OR10Z1: variants seen among roughly 807,000 people sequenced by gnomAD.
OR10Z1 encodes olfactory receptor family 10 subfamily Z member 1, also known as olfactory receptor 10Z1.
For synonymous variants in OR10Z1, 187 were observed against 151.2 expected (o/e 1.24, Z -1.74); for missense variants, 468 against 371.0 (o/e 1.26, Z -2.15).
Position 158,606,445 on chromosome 1 carries a change from C to G in OR10Z1, c.7C>G (p.Gln3Glu). Residue 3 changes from glutamine to glutamate, a missense_variant, in exon 2 of 2, where the codon CAG becomes GAG. Gln to Glu is a conservative substitution (Grantham distance 29). Coordinates refer to ENST00000641002, the MANE Select transcript of OR10Z1 (RefSeq NM_001004478.2). Reference protein sequence around the residue: MGQTNVTSWRDFV... With the variant: MGETNVTSWRDFV... ...CAGGGATATACCTCTCAGAATGGGG[C>G]AGACCAACGTAACCTCCTGGAGGGA... The G allele has an allele frequency of 6.2e-7, 1 of 1,610,056 alleles. No individual in the cohort carries two copies. Among genetic ancestry groups the G allele is most frequent in the South Asian group, 1.1e-5 (1 of 90,692 alleles).
Position 158,606,907 on chromosome 1 carries a change from C to A in OR10Z1, c.469C>A (p.Leu157Met), listed in dbSNP as rs763106741. 2 of 1,614,034 alleles carry A rather than the reference C, an allele frequency of 1.2e-6. No homozygotes were observed. Among genetic ancestry groups the A allele is most frequent in the Admixed American group, 1.7e-5 (1 of 59,988 alleles). Residue 157 changes from leucine to methionine, a missense_variant, in exon 2 of 2, where the codon CTG becomes ATG. Leu to Met is a conservative substitution (Grantham distance 15). Coordinates refer to ENST00000641002, the MANE Select transcript of OR10Z1 (RefSeq NM_001004478.2). ...TSFLTGYLFG[L>M]GMTLVIFHLS... ...CTTCCTGACTGGATACCTCTTTGGACTGGGAATGACACTAGTTATTTTCCA... is the reference window on the plus strand; with the variant it reads ...CTTCCTGACTGGATACCTCTTTGGAATGGGAATGACACTAGTTATTTTCCA...
In OR10Z1 at chr1:158,607,029, G is replaced by A. The variant is rs780052495; in HGVS notation, c.591G>A (p.Leu197=). The change falls in exon 2 of 2, where the codon CTG becomes CTA. Residue 197 remains leucine (L), a synonymous_variant. Coordinates refer to ENST00000641002, the MANE Select transcript of OR10Z1 (RefSeq NM_001004478.2). ...GTGGAGATACAGGCCCGAGTGAGCTGAGGATCTTTATCCTCAGTCTTTTGG... is the reference window on the plus strand; with the variant it reads ...GTGGAGATACAGGCCCGAGTGAGCTAAGGATCTTTATCCTCAGTCTTTTGG... ...LACGDTGPSE[L]RIFILSLLVL... 14 of 1,613,968 alleles carry A rather than the reference G, an allele frequency of 8.7e-6. No homozygotes were observed. In the South Asian group the frequency reaches 1.4e-4, roughly 16 times the overall value.
Position 158,606,943 on chromosome 1 carries a change from T to C in OR10Z1, c.505T>C (p.Cys169Arg), listed in dbSNP as rs769860605. 1.9e-6 allele frequency: 3 copies of C among 1,614,126 alleles called. No individual in the cohort carries two copies. The highest frequency in any genetic ancestry group is 2.5e-6 in the Non-Finnish European group (3 of 1,180,006). ...ACTAGTTATTTTCCACCTCTCATTC[T>C]GCAGCTCCCATGAAATCCAGCACTT... ...MTLVIFHLSF[C>R]SSHEIQHFFC... Residue 169 changes from cysteine to arginine, a missense_variant, in exon 2 of 2, where the codon TGC becomes CGC. By Grantham distance (180) the Cys-to-Arg change is radical (BLOSUM62 -3). Coordinates refer to ENST00000641002, the MANE Select transcript of OR10Z1 (RefSeq NM_001004478.2).
Position 158,610,086 on chromosome 1 carries a change from G to T in OR10Z1, c.*2706G>T, listed in dbSNP as rs567638960. The T allele has an allele frequency of 6.6e-6, 1 of 152,178 alleles. No homozygotes were observed. Among genetic ancestry groups the T allele is most frequent in the South Asian group, 2.1e-4 (1 of 4,826 alleles). 9.4% of individuals were successfully genotyped at this position (152,178 alleles called of 1,614,324 possible). Reference sequence around the variant, plus strand: ...CATAGTATTTGACTATTTAAGAAAAGAATCACTAAAATACCTGTATGTTGT... The same window carrying T: ...CATAGTATTTGACTATTTAAGAAAATAATCACTAAAATACCTGTATGTTGT... On this transcript the variant is annotated 3_prime_UTR_variant, in exon 2 of 2. Coordinates refer to ENST00000641002, the MANE Select transcript of OR10Z1 (RefSeq NM_001004478.2).
rs1183290245 is a variant in OR10Z1 at position 158,609,873 on chromosome 1, C to T, written c.*2493C>T. The T allele has an allele frequency of 1.3e-5, 2 of 152,074 alleles. No individual in the cohort carries two copies. The highest frequency in any genetic ancestry group is 4.8e-5 in the African/African-American group (2 of 41,418). 9.4% of individuals were successfully genotyped at this position (152,074 alleles called of 1,614,324 possible). On this transcript the variant is annotated 3_prime_UTR_variant, in exon 2 of 2. Coordinates refer to ENST00000641002, the MANE Select transcript of OR10Z1 (RefSeq NM_001004478.2). Reference sequence around the variant, plus strand: ...ATTGGGGGAATGGAATCACATCCACCTTTGCTTGTGATTATTTTCAGCACA... The same window carrying T: ...ATTGGGGGAATGGAATCACATCCACTTTTGCTTGTGATTATTTTCAGCACA...
chr1:158,606,916 A>AC lies in OR10Z1; in HGVS notation c.479dup (p.Leu161ThrfsTer13), dbSNP rs1478872266. 1 of 1,613,974 alleles carries AC rather than the reference A, an allele frequency of 6.2e-7. No homozygotes were observed. The highest frequency in any genetic ancestry group is 8.5e-7 in the Non-Finnish European group (1 of 1,179,968). On this transcript the variant is annotated frameshift_variant, in exon 2 of 2. Transcript: ENST00000641002. LOFTEE classifies it low-confidence loss of function (END_TRUNC). ...TGGATACCTCTTTGGACTGGGAATG[A>AC]CACTAGTTATTTTCCACCTCTCATT...
Position 158,611,564 on chromosome 1 carries a change from T to C in OR10Z1, c.*4184T>C, listed in dbSNP as rs1571363912. 3.2e-6 allele frequency: 2 copies of C among 625,826 alleles called. No homozygotes were observed. Among genetic ancestry groups the C allele is most frequent in the Non-Finnish European group, 5.3e-6 (2 of 376,854 alleles). 38.8% of individuals were successfully genotyped at this position (625,826 alleles called of 1,614,324 possible). A position where few individuals can be genotyped will look rare whatever the true frequency, so the allele number is the denominator to read the frequency against. On this transcript the variant is annotated 3_prime_UTR_variant, in exon 2 of 2. Coordinates refer to ENST00000641002, the MANE Select transcript of OR10Z1 (RefSeq NM_001004478.2). ...AAATTTATAATTTCTAATGAGTAACTTAACTTTTAATCTCAGCCCTTTCTT... is the reference window on the plus strand; with the variant it reads ...AAATTTATAATTTCTAATGAGTAACCTAACTTTTAATCTCAGCCCTTTCTT...
chr1:158,605,559 G>T (rs1329804848), intron 1 of OR10Z1, among the ~76,000 whole-genome samples, 158 bp downstream of exon 1: 5 of 152,192 alleles, frequency 3.3e-5, no homozygotes, highest in African/African-American at 1.2e-4. Flanking sequence ...GGTAAAAGAA[G>T]CCTGCCCTAC....
In OR10Z1 at chr1:158,611,395, A is replaced by G. The variant is rs749269382; in HGVS notation, c.*4015A>G. ...ACTTGCTCTGGGGTAAGGGCCTGAA[A>G]AGTATAAAAAGAGAAAAATACAGTT... On this transcript the variant is annotated 3_prime_UTR_variant, in exon 2 of 2. Coordinates refer to ENST00000641002, the MANE Select transcript of OR10Z1 (RefSeq NM_001004478.2). 1.2e-6 allele frequency: 2 copies of G among 1,613,400 alleles called. No individual in the cohort carries two copies. Among genetic ancestry groups the G allele is most frequent in the East Asian group, 4.5e-5 (2 of 44,864 alleles).
At position 158,606,988 on chromosome 1, in the gene OR10Z1, G is replaced by A. The variant is rs1444064333; in HGVS notation, c.550G>A (p.Val184Met). 3 of 1,613,938 alleles carry A rather than the reference G, an allele frequency of 1.9e-6. No homozygotes were observed. The highest frequency in any genetic ancestry group is 1.3e-5 in the African/African-American group (1 of 74,912). ...GCACTTTTTTTGTGACACGCCACCT[G>A]TGCTGAGCCTAGCCTGTGGAGATAC... is the stretch of plus-strand genomic sequence containing the variant. Reference protein sequence around the residue: ...IQHFFCDTPPVLSLACGDTGP... With the variant: ...IQHFFCDTPPMLSLACGDTGP... The change falls in exon 2 of 2, where the codon GTG becomes ATG. Residue 184 changes from valine (V) to methionine (M), a missense_variant. Coordinates refer to ENST00000641002, the MANE Select transcript of OR10Z1 (RefSeq NM_001004478.2).
rs752002568 is a variant in OR10Z1, at chr1:158,606,743, T to A, written c.305T>A (p.Phe102Tyr). The A allele has an allele frequency of 1.2e-6, 2 of 1,614,070 alleles. No individual in the cohort carries two copies. The highest frequency in any genetic ancestry group is 1.7e-5 in the Admixed American group (1 of 60,002). The change falls in exon 2 of 2, where the codon TTC (phenylalanine) becomes TAC (tyrosine). Residue 102 changes from phenylalanine to tyrosine, a missense_variant. Coordinates refer to ENST00000641002, the MANE Select transcript of OR10Z1 (RefSeq NM_001004478.2). ...TATGTGGGCTGTGCTGCCCAGATGT[T>A]CTTTTCTGCCTCATGGGCCTGTACT... ...ISYVGCAAQM[F>Y]FSASWACTNC...
Position 158,611,438 on chromosome 1 carries a change from C to T in OR10Z1, c.*4058C>T, listed in dbSNP as rs773446870. The T allele has an allele frequency of 5.0e-6, 8 of 1,609,794 alleles. No individual in the cohort carries two copies. The Admixed American group carries it at 1.3e-4, about 27-fold the overall frequency. On this transcript the variant is annotated 3_prime_UTR_variant, in exon 2 of 2. Transcript: ENST00000641002. ...ATACAGTTATAGGGATTCAAAATAG[C>T]TGGTTCCTTGGGGCTTCCCATATTA...
rs771923110 is a variant in OR10Z1, at chr1:158,606,895, T to G, written c.457T>G (p.Tyr153Asp). 2 of 1,614,062 alleles carry G rather than the reference T, an allele frequency of 1.2e-6. No individual in the cohort carries two copies. Among genetic ancestry groups the G allele is most frequent in the South Asian group, 2.2e-5 (2 of 91,082 alleles). Residue 153 changes from tyrosine (Y) to aspartate (D), a missense_variant, in exon 2 of 2, where the codon TAC (tyrosine) becomes GAC (aspartate). Coordinates refer to ENST00000641002, the MANE Select transcript of OR10Z1 (RefSeq NM_001004478.2). ...QLVITSFLTGYLFGLGMTLVI... is the reference protein window; with the variant it reads ...QLVITSFLTGDLFGLGMTLVI... ...GGTCATTACTTCCTTCCTGACTGGA[T>G]ACCTCTTTGGACTGGGAATGACACT... is the stretch of plus-strand genomic sequence containing the variant.
Position 158,609,033 on chromosome 1 carries a change from CAG to C in OR10Z1, c.*1654_*1655del, listed in dbSNP as rs1649134775. The C allele has an allele frequency of 6.6e-6, 1 of 151,868 alleles. No homozygotes were observed. Among genetic ancestry groups the C allele is most frequent in the Non-Finnish European group, 1.5e-5 (1 of 67,980 alleles). 9.4% of individuals were successfully genotyped at this position (151,868 alleles called of 1,614,324 possible). On this transcript the variant is annotated 3_prime_UTR_variant, in exon 2 of 2. Coordinates refer to ENST00000641002, the MANE Select transcript of OR10Z1 (RefSeq NM_001004478.2). ...AGATCAGCAAGAAACCCATGGATAT[CAG>C]CTTAAAAAAAGGCAAAGAGGCTTGA...
Position 158,610,426 on chromosome 1 carries a change from C to G in OR10Z1, c.*3046C>G, listed in dbSNP as rs1035053500. On this transcript the variant is annotated 3_prime_UTR_variant, in exon 2 of 2. Transcript: ENST00000641002. Reference sequence around the variant, plus strand: ...CTGGCCTGAAAATTTTTGAAGATAGCATCACCTCTTCTTTTTTTAAAATTA... The same window carrying G: ...CTGGCCTGAAAATTTTTGAAGATAGGATCACCTCTTCTTTTTTTAAAATTA... 1.3e-5 allele frequency: 2 copies of G among 152,116 alleles called. No individual in the cohort carries two copies. 9.4% of individuals were successfully genotyped at this position (152,116 alleles called of 1,614,324 possible). A position where few individuals can be genotyped will look rare whatever the true frequency, so the allele number is the denominator to read the frequency against.
Position 158,606,535 on chromosome 1 carries a change from T to G in OR10Z1, c.97T>G (p.Ser33Ala), listed in dbSNP as rs79308545. ...GCTCCTTCTCTTTGCCTTGTTCCTC[T>G]CTCTGTATCTAGTCACTCTGACCAG... is the stretch of plus-strand genomic sequence containing the variant. ...LQLLLFALFLSLYLVTLTSNV... is the reference protein window; with the variant it reads ...LQLLLFALFLALYLVTLTSNV... Residue 33 changes from serine to alanine, a missense_variant, in exon 2 of 2, where the codon TCT becomes GCT. Coordinates refer to ENST00000641002, the MANE Select transcript of OR10Z1 (RefSeq NM_001004478.2). 1.6e-3 allele frequency: 2,584 copies of G among 1,613,920 alleles called. 5 individuals carry two copies. The highest frequency in any genetic ancestry group is 1.9e-3 in the Non-Finnish European group (2,224 of 1,179,866).
In OR10Z1 at chr1:158,611,359, C is replaced by T; in HGVS notation, c.*3979C>T. 2 of 1,613,624 alleles carry T rather than the reference C, an allele frequency of 1.2e-6. No homozygotes were observed. The highest frequency in any genetic ancestry group is 1.7e-6 in the Non-Finnish European group (2 of 1,179,708). On this transcript the variant is annotated 3_prime_UTR_variant, in exon 2 of 2. Transcript: ENST00000641002. ...TCCATATATTGCTGCATATGTGTGG[C>T]ACAGAATGACACTTGCTCTGGGGTA...
In OR10Z1 at chr1:158,609,085, T is replaced by C. The variant is rs1297267291; in HGVS notation, c.*1705T>C. On this transcript the variant is annotated 3_prime_UTR_variant, in exon 2 of 2. Transcript: ENST00000641002. ...AATATGGATAGTGACATTCAGAGAC[T>C]GAAGGAAATCACAAACATGAGATTT... 1 of 152,066 alleles carries C rather than the reference T, an allele frequency of 6.6e-6. No individual in the cohort carries two copies. Among genetic ancestry groups the C allele is most frequent in the Non-Finnish European group, 1.5e-5 (1 of 68,000 alleles). The allele number at this position is 152,066 out of a possible 1,614,324, so 9.4% of individuals were successfully genotyped here.
At position 158,612,322 on chromosome 1, in the gene OR10Z1, G is replaced by T; in HGVS notation, c.*4942G>T. The T allele has an allele frequency of 5.1e-6, 1 of 197,416 alleles. No homozygotes were observed. The highest frequency in any genetic ancestry group is 1.0e-5 in the Non-Finnish European group (1 of 96,026). 12.2% of individuals were successfully genotyped at this position (197,416 alleles called of 1,614,324 possible). On this transcript the variant is annotated 3_prime_UTR_variant, in exon 2 of 2. Transcript: ENST00000641002. ...CCCTGATGCAAGTATTTTAAGGAGA[G>T]GAATGAAGAAAGCTCTTGGAATCAG...
Sources: gnomAD v4.1 joint callset for allele counts (sites outside exome capture counted in the v4.1 genomes callset) on GRCh38, gnomAD v4.1.1 for gene constraint, MANE v1.5 for transcripts, NCBI Gene and HGNC (gene_info 2026-07-23, HGNC 2026-07-21) for gene names.